Variants in SMYD2 observed in about 807,000 individuals in gnomAD.
SMYD2 encodes the protein N-lysine methyltransferase SMYD2.
A neutral mutation model predicts 59.1 loss-of-function variants in SMYD2; 53 were observed. The observed-to-expected ratio is 0.90, with a 90% CI of 0.72 to 1.13. SMYD2 has a LOEUF of 1.13. Ranked by LOEUF, SMYD2 falls within the 50% of genes most tolerant of loss-of-function variation. The pLI, the probability that SMYD2 is intolerant of heterozygous loss-of-function variation, is 0.00. For synonymous variants in SMYD2, 208 were observed against 198.8 expected (o/e 1.05, Z -0.39); for missense variants, 494 against 544.7 (o/e 0.91, Z 0.93).
In SMYD2 at chr1:214,301,504, A is replaced by T. The variant is rs138953601; in HGVS notation, c.174-3683A>T. On this transcript the variant is annotated intron_variant, in intron 1 of 11. Coordinates refer to ENST00000366957, the MANE Select transcript of SMYD2 (RefSeq NM_020197.3). The stretch of plus-strand genomic sequence containing the variant: ...GATCTCCTGAAAATTGACTCATTTT[A>T]TCAAACCATATCAAAAAATCATAAT... Among the ~76,000 whole-genome samples, 32 of 152,326 alleles carry T rather than the reference A, an allele frequency of 2.1e-4. 1 individual carries two copies. In the East Asian group the frequency reaches 6.2e-3, roughly 29 times the overall value.
intron 3 of SMYD2, among the ~76,000 whole-genome samples, chr1:214,316,781 G>A (rs565781584): frequency 6.6e-6 from 1 of 152,296 alleles, no homozygotes; most frequent in African/African-American, 2.4e-5. Context: ...TGGGTTGCCT[G>A]TAGAGTGAGA....
At chr1:214,325,315 A>G (rs1431530304) in intron 6 of SMYD2, among the ~76,000 whole-genome samples, 1 of 152,280 alleles carries the variant, frequency 6.6e-6, no homozygotes, top group Non-Finnish European at 1.5e-5. Flanking sequence ...TGGATTGCCA[A>G]GAATGATTTT....
intron 1 of SMYD2, among the ~76,000 whole-genome samples, chr1:214,300,553 C>T (rs1656805201): frequency 6.6e-6 from 1 of 152,174 alleles, no homozygotes; most frequent in African/African-American, 2.4e-5. Flanking sequence ...ACCACTGGAG[C>T]CGGGGCATTA....
chr1:214,326,254 AAAG>A (rs1408795194), intron 6 of SMYD2, among the ~76,000 whole-genome samples: 5 of 151,668 alleles, frequency 3.3e-5, no homozygotes, highest in South Asian at 2.1e-4. Flanking sequence ...AAAAAAAAAA[AAAG>A]AGTGAGGTGC....
chr1:214,284,876 AGTGT>A (rs1656511635), intron 1 of SMYD2, among the ~76,000 whole-genome samples: 1 of 152,202 alleles, frequency 6.6e-6, no homozygotes, highest in Non-Finnish European at 1.5e-5. Flanking sequence ...GCTTTAACCC[AGTGT>A]TCCATCTAAA....
intron 2 of SMYD2, among the ~76,000 whole-genome samples, chr1:214,309,826 A>T (rs1464734167): frequency 6.6e-6 from 1 of 152,132 alleles, no homozygotes; most frequent in African/African-American, 2.4e-5. Flanking sequence ...CATTGCTTGT[A>T]TTGGGAAAAC....
At chr1:214,315,903 A>G (rs1006810885) in intron 3 of SMYD2, among the ~76,000 whole-genome samples, 16 of 152,234 alleles carry the variant, frequency 1.1e-4, no homozygotes, top group Non-Finnish European at 2.1e-4. Flanking sequence ...TCAACATGGT[A>G]TATCAGCATC....
intron 1 of SMYD2, among the ~76,000 whole-genome samples, chr1:214,301,604 A>G (rs924332100): frequency 4.6e-5 from 7 of 152,150 alleles, no homozygotes; most frequent in Admixed American, 1.3e-4. Flanking sequence ...TGGCAGATCT[A>G]TGTTTTCCAA....
chr1:214,304,068 ATC>A (rs766066762), intron 1 of SMYD2, among the ~76,000 whole-genome samples: 1 of 152,252 alleles, frequency 6.6e-6, no homozygotes, highest in South Asian at 2.1e-4. Flanking sequence ...GCTTTGGTTC[ATC>A]TCACACAATA....
chr1:214,311,937 C>G (rs1341531955), intron 2 of SMYD2, among the ~76,000 whole-genome samples: 1 of 152,030 alleles, frequency 6.6e-6, no homozygotes, highest in Non-Finnish European at 1.5e-5. Flanking sequence ...GCTGGTAGGT[C>G]CCCATATCCT....
chr1:214,281,458 G>GGAGCCGGGGGCGC, intron 1 of SMYD2, 31 bp downstream of exon 1: 1 of 1,354,558 alleles, frequency 7.4e-7, no homozygotes, highest in Non-Finnish European at 9.6e-7. Context: ...GCGGCGGGCG[G>GGAGCCGGGGGCGC]GAGCCGGGGG....
At chr1:214,330,817 C>T in intron 8 of SMYD2, 133 bp from the exon 9 acceptor site, 1 of 1,368,678 alleles carries the variant, frequency 7.3e-7, no homozygotes, top group Non-Finnish European at 1.0e-6. Context: ...GCCTGATTTC[C>T]TTTCATTCTT....
chr1:214,335,817 C>T (rs573174032), intron 11 of SMYD2, among the ~76,000 whole-genome samples: 56 of 152,250 alleles, frequency 3.7e-4, no homozygotes, highest in Non-Finnish European at 6.0e-4. Context: ...GGAAACTTGA[C>T]CATGTTACAT....
intron 1 of SMYD2, among the ~76,000 whole-genome samples, chr1:214,285,849 G>A (rs947415789): frequency 6.6e-6 from 1 of 152,206 alleles, no homozygotes; most frequent in Non-Finnish European, 1.5e-5. Context: ...ATAGCCTGTT[G>A]CTCTTAGGTT....
chr1:214,314,729 AT>A lies in SMYD2; in HGVS notation c.238-27del, dbSNP rs765837791. 1.8e-5 allele frequency: 28 copies of A among 1,546,954 alleles called. No homozygotes were observed. In the African/African-American group the frequency reaches 3.5e-4, roughly 20 times the overall value. ...CACACTTTATTCCAGTGTATGTGCT[AT>A]TTTTTAATAATGTTTTTTTCAATCT... On this transcript the variant is annotated intron_variant, in intron 2 of 11. Transcript: ENST00000366957.
At chr1:214,304,717 AT>A (rs1373773391) in intron 1 of SMYD2, among the ~76,000 whole-genome samples, 1 of 152,108 alleles carries the variant, frequency 6.6e-6, no homozygotes, top group Non-Finnish European at 1.5e-5. Flanking sequence ...CTCACATGGG[AT>A]TTTCACCAGA....
chr1:214,293,966 G>A (rs1656680725), intron 1 of SMYD2, among the ~76,000 whole-genome samples: 1 of 151,426 alleles, frequency 6.6e-6, no homozygotes. Context: ...ATGAGCCACC[G>A]TGCCCAGCCA....
chr1:214,313,933 C>T (rs961448420), intron 2 of SMYD2, among the ~76,000 whole-genome samples: 4 of 152,100 alleles, frequency 2.6e-5, no homozygotes, highest in African/African-American at 9.7e-5. Flanking sequence ...AATCCCTGCA[C>T]TTTGGGAGGC....
At chr1:214,333,606 C>G (rs1202226399) in intron 10 of SMYD2, 1 of 152,624 alleles carries the variant, frequency 6.6e-6, no homozygotes, top group African/African-American at 2.4e-5. Flanking sequence ...TCTTCAGGTA[C>G]AGCCGGAGAG....
Sources: gnomAD v4.1 joint callset for allele counts (sites outside exome capture counted in the v4.1 genomes callset) on GRCh38, gnomAD v4.1.1 for gene constraint, MANE v1.5 for transcripts, NCBI Gene and HGNC (gene_info 2026-07-23, HGNC 2026-07-21) for gene names.